GABBR2: variants seen among roughly 807,000 people sequenced by gnomAD.
The protein encoded by GABBR2 is G-protein coupled receptor 51.
A neutral mutation model predicts 105.6 loss-of-function variants in GABBR2; 23 were observed. The ratio of observed to expected loss-of-function variants is 0.22; its 90% confidence interval spans 0.16 to 0.31. The LOEUF is 0.31. GABBR2 is among the 10% of genes least tolerant of loss of function. The pLI is 1.00. For synonymous variants in GABBR2, 478 were observed against 499.7 expected (o/e 0.96, Z 0.58); for missense variants, 734 against 1,245.5 (o/e 0.59, Z 6.18).
At chr9:98,599,061 A>G (rs1446465869) in intron 1 of GABBR2, among the ~76,000 whole-genome samples, 2 of 152,166 alleles carry the variant, frequency 1.3e-5, no homozygotes. Flanking sequence ...CCGGGAGACA[A>G]GACGGGCACC....
chr9:98,703,683 G>C (rs1477956355), intron 1 of GABBR2, among the ~76,000 whole-genome samples: 1 of 151,606 alleles, frequency 6.6e-6, no homozygotes, highest in African/African-American at 2.4e-5. Flanking sequence ...GTAGAGACAG[G>C]GTCTCCCTAT....
At chr9:98,351,173 T>TA (rs34179173) in intron 13 of GABBR2, among the ~76,000 whole-genome samples, 98,835 of 151,874 alleles carry the variant, frequency 0.65, 32,855 homozygotes, top group Admixed American at 0.72. Context: ...GTTGGCTTTT[T>TA]AAAAAAAATC....
At chr9:98,460,457 A>G (rs1826404294) in intron 6 of GABBR2, among the ~76,000 whole-genome samples, 1 of 152,212 alleles carries the variant, frequency 6.6e-6, no homozygotes. Context: ...CAGAGAACTG[A>G]ATACTATAAA....
intron 17 of GABBR2, among the ~76,000 whole-genome samples, chr9:98,297,878 G>A (rs1375942593): frequency 6.8e-6 from 1 of 147,564 alleles, no homozygotes; most frequent in Admixed American, 6.7e-5. Flanking sequence ...AAAAAAATTA[G>A]CTGGGTGTGG....
At chr9:98,531,967 C>T (rs1269725968) in intron 3 of GABBR2, among the ~76,000 whole-genome samples, 2 of 152,182 alleles carry the variant, frequency 1.3e-5, no homozygotes, top group Non-Finnish European at 2.9e-5. Flanking sequence ...GCCATTTCAC[C>T]ATGTCTGTGC....
At position 98,480,739 on chromosome 9, in the gene GABBR2, T is replaced by C. The variant is rs2779547; in HGVS notation, c.798+193A>G. ...ACTGAGGTCCCTGGTTCCTCGATGA[T>C]GGTATTGTTCTGAGCCCTGGGGTTT... is the stretch of plus-strand genomic sequence containing the variant. On this transcript the variant is annotated intron_variant, in intron 5 of 18. Coordinates refer to ENST00000259455, the MANE Select transcript of GABBR2 (RefSeq NM_005458.8). 0.76 allele frequency among the ~76,000 whole-genome samples: 116,152 copies of C among 151,892 alleles called. 45,120 individuals are homozygous for C. The highest frequency in any genetic ancestry group is 0.9 in the East Asian group (4,651 of 5,144).
In GABBR2 at chr9:98,684,204, G is replaced by C. The variant is rs7868057; in HGVS notation, c.321+24213C>G. On this transcript the variant is annotated intron_variant, in intron 1 of 18. Transcript: ENST00000259455. ...AAAAAAAAAAAAAAAAATTGGTTGT[G>C]GGGGGTGGGACTCAAGTAACAGCAG... 3.0e-4 allele frequency among the ~76,000 whole-genome samples: 24 copies of C among 79,898 alleles called. 1 individual carries two copies. The highest frequency in any genetic ancestry group is 4.0e-4 in the Admixed American group (3 of 7,462). The allele number at this position is 79,898 out of a possible 152,430, so 52.4% of individuals were successfully genotyped here. A position where few individuals can be genotyped will look rare whatever the true frequency, so the allele number is the denominator to read the frequency against.
At position 98,596,423 on chromosome 9, in the gene GABBR2, G is replaced by T. The variant is rs369839829; in HGVS notation, c.322-18351C>A. 7.2e-5 allele frequency among the ~76,000 whole-genome samples: 11 copies of T among 152,286 alleles called. No homozygotes were observed. In the South Asian group the frequency reaches 1.5e-3, roughly 20 times the overall value. ...AGGCAGTCACAGCACAGCCTTGGGGGTGGGGGCTCTGGCTTATGGGTTCCC... is the reference window on the plus strand; with the variant it reads ...AGGCAGTCACAGCACAGCCTTGGGGTTGGGGGCTCTGGCTTATGGGTTCCC... On this transcript the variant is annotated intron_variant, in intron 1 of 18. Coordinates refer to ENST00000259455, the MANE Select transcript of GABBR2 (RefSeq NM_005458.8).
At chr9:98,415,624 A>G (rs1004748115) in intron 7 of GABBR2, among the ~76,000 whole-genome samples, 3 of 152,116 alleles carry the variant, frequency 2.0e-5, no homozygotes, top group African/African-American at 7.2e-5. Context: ...TTGCTGAAAC[A>G]TTTGTGTGCG....
chr9:98,461,198 G>C (rs1271246707), intron 6 of GABBR2, among the ~76,000 whole-genome samples: 2 of 152,032 alleles, frequency 1.3e-5, no homozygotes, highest in African/African-American at 2.4e-5. Context: ...AGAAATGTGG[G>C]AAGGAAAAAA....
chr9:98,457,145 C>T (rs1283885015), intron 6 of GABBR2, among the ~76,000 whole-genome samples: 1 of 152,172 alleles, frequency 6.6e-6, no homozygotes, highest in African/African-American at 2.4e-5. Flanking sequence ...GAAATGAGGC[C>T]CCTTTGACTT....
At chr9:98,656,743 A>G (rs888042138) in intron 1 of GABBR2, among the ~76,000 whole-genome samples, 1 of 152,216 alleles carries the variant, frequency 6.6e-6, no homozygotes, top group African/African-American at 2.4e-5. Flanking sequence ...AAGGAAACCT[A>G]TCAGAGGACA....
chr9:98,643,721 T>C (rs1419906462), intron 1 of GABBR2, among the ~76,000 whole-genome samples: 1 of 152,242 alleles, frequency 6.6e-6, no homozygotes. Context: ...CCACAGGGAC[T>C]AGGGCAGAGA....
Position 98,400,034 on chromosome 9 carries a change from A to C in GABBR2, c.1298-5779T>G, listed in dbSNP as rs1346298604. Among the ~76,000 whole-genome samples, 21 of 149,662 alleles carry C rather than the reference A, an allele frequency of 1.4e-4. No homozygotes were observed. In the East Asian group the frequency reaches 4.1e-3, roughly 29 times the overall value. On this transcript the variant is annotated intron_variant, in intron 8 of 18. Transcript: ENST00000259455. ...CTCCATGAAAAAAAAAAAAAAAAAAACCTAGCCAGGCATGGTGGTGCACGC... is the reference window on the plus strand; with the variant it reads ...CTCCATGAAAAAAAAAAAAAAAAAACCCTAGCCAGGCATGGTGGTGCACGC...
At chr9:98,343,021 T>C (rs1265916765) in intron 13 of GABBR2, among the ~76,000 whole-genome samples, 1 of 152,238 alleles carries the variant, frequency 6.6e-6, no homozygotes, top group African/African-American at 2.4e-5. Flanking sequence ...TGTTTGCCTC[T>C]TCCAATATCT....
intron 13 of GABBR2, among the ~76,000 whole-genome samples, chr9:98,325,859 T>C (rs480980): frequency 0.13 from 20,266 of 152,212 alleles, 1,736 homozygotes; most frequent in Admixed American, 0.19. Context: ...TTCTCACACA[T>C]ATACATGCAC....
Position 98,605,816 on chromosome 9 carries a change from T to C in GABBR2, c.322-27744A>G, listed in dbSNP as rs540072083. Among the ~76,000 whole-genome samples the C allele has an allele frequency of 3.9e-5, 6 of 152,254 alleles. No homozygotes were observed. The South Asian group carries it at 8.3e-4, about 21-fold the overall frequency. ...ATTATACTTTAAATTCTAGGGTACA[T>C]GTGCACAACGTGGTCTGTTACATAT... is the stretch of plus-strand genomic sequence containing the variant. On this transcript the variant is annotated intron_variant, in intron 1 of 18. Transcript: ENST00000259455.
chr9:98,673,738 C>T (rs944608547), intron 1 of GABBR2, among the ~76,000 whole-genome samples: 7 of 152,074 alleles, frequency 4.6e-5, no homozygotes, highest in African/African-American at 1.7e-4. Context: ...CCTGAATAAA[C>T]GGGGCATAAC....
At chr9:98,367,979 AG>A (rs1233193763) in intron 12 of GABBR2, among the ~76,000 whole-genome samples, 1 of 152,146 alleles carries the variant, frequency 6.6e-6, no homozygotes, top group Non-Finnish European at 1.5e-5. Context: ...ACCCTTTTTA[AG>A]TGGAGAGTTC....
Sources: gnomAD v4.1 joint callset for allele counts (sites outside exome capture counted in the v4.1 genomes callset) on GRCh38, gnomAD v4.1.1 for gene constraint, MANE v1.5 for transcripts, NCBI Gene and HGNC (gene_info 2026-07-23, HGNC 2026-07-21) for gene names.